The following ANK2 variants were observed in gnomAD, a reference collection of about 807,000 sequenced individuals.
ANK2 encodes ankyrin-2.
ANK2 carries 83 observed loss-of-function variants against 360.5 expected under a neutral mutation model. The ratio of observed to expected loss-of-function variants is 0.23; its 90% CI spans 0.19 to 0.28. The LOEUF (loss-of-function observed/expected upper bound fraction) is 0.28, where lower values mean the gene tolerates loss of function less well. Among genes scored for constraint, ANK2 ranks in the 10% least tolerant of loss-of-function variants. The pLI is 1.00. For synonymous variants in ANK2, 1,740 were observed against 1,759.5 expected (o/e 0.99, Z 0.28); for missense variants, 4,201 against 4,795.7 (o/e 0.88, Z 3.66).
intron 40 of ANK2, 95 bp from the exon 41 acceptor site, chr4:113,364,944 G>T (rs906454875): frequency 4.1e-6 from 6 of 1,463,402 alleles, no homozygotes; most frequent in South Asian, 1.1e-5. Context: ...GTTTTTTTCT[G>T]TACAGATATC....
chr4:112,850,727 A>G lies in ANK2; in HGVS notation c.-40+32463A>G, dbSNP rs1579676676. On this transcript the variant is annotated intron_variant, in intron 1 of 30. Coordinates refer to the ANK2 transcript ENST00000503271. ...GAGACGGGATTTCACCGTGTTAGCCAGGATGATCTCGATCTCCTGACCTCG... is the reference window on the plus strand; with the variant it reads ...GAGACGGGATTTCACCGTGTTAGCCGGGATGATCTCGATCTCCTGACCTCG... 4.0e-5 allele frequency among the ~76,000 whole-genome samples: 6 copies of G among 151,220 alleles called. No individual in the cohort carries two copies. In the South Asian group the frequency reaches 1.3e-3, roughly 32 times the overall value.
At chr4:112,939,594 C>G (rs1208381267) in intron 2 of ANK2, among the ~76,000 whole-genome samples, 1 of 152,170 alleles carries the variant, frequency 6.6e-6, no homozygotes, top group Non-Finnish European at 1.5e-5. Context: ...GGATTACAGG[C>G]TTAAGCCACC....
chr4:113,296,068 T>C (rs1394381497), intron 22 of ANK2, among the ~76,000 whole-genome samples: 1 of 152,124 alleles, frequency 6.6e-6, no homozygotes, highest in Non-Finnish European at 1.5e-5. Context: ...ATGTAAGGCA[T>C]TGAGGGAAGA....
At chr4:112,757,188 C>T in the ANK2 span, among the ~76,000 whole-genome samples, 8 of 150,056 alleles carry the variant, frequency 5.3e-5, no homozygotes, top group East Asian at 1.6e-3. Flanking sequence ...TCTCGGCTCA[C>T]TGCAACCTCC....
chr4:113,150,976 A>T, intron 1 of ANK2: 1 of 948,860 alleles, frequency 1.1e-6, no homozygotes, highest in Non-Finnish European at 1.4e-6. Flanking sequence ...AGTTCCTACC[A>T]GCTAATAGGT....
At chr4:113,158,006 A>T (rs1242692427) in intron 1 of ANK2, among the ~76,000 whole-genome samples, 1 of 152,270 alleles carries the variant, frequency 6.6e-6, no homozygotes, top group East Asian at 1.9e-4. Context: ...GCAAGGTCTC[A>T]TTCATTCCCT....
At chr4:112,990,580 A>G (rs2046410924) in intron 2 of ANK2, among the ~76,000 whole-genome samples, 1 of 152,096 alleles carries the variant, frequency 6.6e-6, no homozygotes, top group Non-Finnish European at 1.5e-5. Context: ...TCATCTCCAT[A>G]GCCCTCATCT....
chr4:113,264,191 C>T (rs1162973381), intron 13 of ANK2, among the ~76,000 whole-genome samples: 1 of 149,048 alleles, frequency 6.7e-6, no homozygotes, highest in Non-Finnish European at 1.5e-5. Flanking sequence ...TTTGTCTAGT[C>T]TCATAACACA....
At chr4:112,785,044 A>G in the ANK2 span, among the ~76,000 whole-genome samples, 6 of 152,218 alleles carry the variant, frequency 3.9e-5, no homozygotes, top group African/African-American at 9.6e-5. Context: ...GGGAGTCTTT[A>G]AAATTATAAT....
chr4:113,207,178 T>G (rs1468020852), intron 4 of ANK2, among the ~76,000 whole-genome samples: 2 of 152,264 alleles, frequency 1.3e-5, no homozygotes, highest in East Asian at 3.8e-4. Flanking sequence ...AAAGTAATTT[T>G]TCAACTTTTG....
chr4:113,183,824 C>T (rs890431620), intron 2 of ANK2, among the ~76,000 whole-genome samples: 7 of 151,794 alleles, frequency 4.6e-5, no homozygotes, highest in South Asian at 2.1e-4. Flanking sequence ...GGAAGAGTCA[C>T]CTGTGTATAT....
At chr4:112,716,531 C>T in the ANK2 span, among the ~76,000 whole-genome samples, 1 of 152,156 alleles carries the variant, frequency 6.6e-6, no homozygotes, top group East Asian at 1.9e-4. Context: ...CGTAAGCCTT[C>T]TGGTTAACTA....
chr4:113,070,455 T>A (rs2077154638), intron 1 of ANK2, among the ~76,000 whole-genome samples: 1 of 152,202 alleles, frequency 6.6e-6, no homozygotes, highest in African/African-American at 2.4e-5. Context: ...TATAAATGCA[T>A]TGTCCCATCT....
At chr4:112,871,119 T>G (rs557210392) in intron 1 of ANK2, among the ~76,000 whole-genome samples, 1 of 152,292 alleles carries the variant, frequency 6.6e-6, no homozygotes, top group South Asian at 2.1e-4. Context: ...TGCAAAGTGT[T>G]TAAGAATAGG....
At chr4:113,163,346 C>G (rs1221269649) in intron 1 of ANK2, among the ~76,000 whole-genome samples, 2 of 152,062 alleles carry the variant, frequency 1.3e-5, no homozygotes, top group Non-Finnish European at 2.9e-5. Context: ...GCTGTGCATC[C>G]CCATTTGCGA....
At chr4:113,194,230 T>C (rs1193409802) in intron 2 of ANK2, among the ~76,000 whole-genome samples, 1 of 152,218 alleles carries the variant, frequency 6.6e-6, no homozygotes, top group Non-Finnish European at 1.5e-5. Context: ...GTTTGATGGA[T>C]GATGATGCAA....
chr4:112,788,639 A>C, the ANK2 span: 1 of 1,601,398 alleles, frequency 6.2e-7, no homozygotes, highest in Non-Finnish European at 8.5e-7. Flanking sequence ...TGAACTGGTT[A>C]ATCGCAGGAG....
At chr4:113,330,925 A>G (rs546352655) in intron 27 of ANK2, among the ~76,000 whole-genome samples, 42 of 152,160 alleles carry the variant, frequency 2.8e-4, no homozygotes, top group Non-Finnish European at 5.1e-4. Flanking sequence ...AATTTAATCA[A>G]TGTGATTTTT....
chr4:113,337,191 GA>G (rs930286581), intron 31 of ANK2, among the ~76,000 whole-genome samples: 1 of 151,778 alleles, frequency 6.6e-6, no homozygotes, highest in Non-Finnish European at 1.5e-5. Context: ...AATCTGCTGG[GA>G]AAAAAAATAC....
Sources: gnomAD v4.1 joint callset for allele counts (sites outside exome capture counted in the v4.1 genomes callset) on GRCh38, gnomAD v4.1.1 for gene constraint, MANE v1.5 for transcripts, NCBI Gene and HGNC (gene_info 2026-07-23, HGNC 2026-07-21) for gene names.